Variants in IQCM observed in about 807,000 individuals in gnomAD.
The protein encoded by IQCM is IQ domain-containing protein M.
A neutral mutation model predicts 57.6 loss-of-function variants in IQCM; 45 were observed. That is an observed-to-expected ratio of 0.78 (90% CI 0.62 to 1.00). IQCM has a LOEUF of 1.00. Among genes scored for constraint, IQCM ranks in the 50% least tolerant of loss-of-function variants. The pLI is 0.00. For missense variants in IQCM, 468 were observed against 511.6 expected, an observed-to-expected ratio of 0.91 and a Z score of 0.82; for synonymous variants, 148 against 158.9, an observed-to-expected ratio of 0.93 and a Z score of 0.51.
intron 13 of IQCM, among the ~76,000 whole-genome samples, chr4:149,404,324 A>G (rs925514290): frequency 6.6e-6 from 1 of 152,052 alleles, no homozygotes; most frequent in East Asian, 1.9e-4. Context: ...GCATGGATTT[A>G]GTTAAGACCT....
chr4:149,744,310 C>T (rs1005722350), intron 2 of IQCM, among the ~76,000 whole-genome samples: 13 of 152,216 alleles, frequency 8.5e-5, no homozygotes, highest in African/African-American at 3.1e-4. Flanking sequence ...GCATCTCCCT[C>T]AGCAATTAAC....
intron 9 of IQCM, among the ~76,000 whole-genome samples, chr4:149,584,620 C>T (rs1752490478): frequency 6.6e-6 from 1 of 151,638 alleles, no homozygotes; most frequent in African/African-American, 2.4e-5. Context: ...TTTAATAATG[C>T]TTCTAAGGGA....
chr4:149,651,960 C>T (rs2150135591), intron 7 of IQCM, among the ~76,000 whole-genome samples: 1 of 152,236 alleles, frequency 6.6e-6, no homozygotes, highest in South Asian at 2.1e-4. Context: ...GGTATATACC[C>T]AAAGGATGAT....
At chr4:149,748,789 T>G (rs541112574) in intron 2 of IQCM, 35 of 152,286 alleles carry the variant, frequency 2.3e-4, no homozygotes, top group African/African-American at 7.5e-4. Context: ...CAATGTTAGA[T>G]AGACCCATAC....
At chr4:149,775,177 A>T (rs1203697134) in intron 2 of IQCM, among the ~76,000 whole-genome samples, 1 of 152,112 alleles carries the variant, frequency 6.6e-6, no homozygotes, top group African/African-American at 2.4e-5. Context: ...TTTCTAGGAG[A>T]TAGATTTCTG....
At chr4:149,580,809 A>C (rs1254616498) in intron 9 of IQCM, among the ~76,000 whole-genome samples, 1 of 151,838 alleles carries the variant, frequency 6.6e-6, no homozygotes, top group Non-Finnish European at 1.5e-5. Context: ...GATGAGAACT[A>C]TACACAGATG....
intron 10 of IQCM, among the ~76,000 whole-genome samples, chr4:149,559,423 T>G (rs2149926061): frequency 6.6e-6 from 1 of 152,254 alleles, no homozygotes; most frequent in Non-Finnish European, 1.5e-5. Flanking sequence ...TGTAAATAGC[T>G]CACCTAAGCT....
At chr4:149,411,524 A>G (rs1267892558) in intron 13 of IQCM, among the ~76,000 whole-genome samples, 2 of 152,178 alleles carry the variant, frequency 1.3e-5, no homozygotes, top group African/African-American at 4.8e-5. Flanking sequence ...ACTGAAATAA[A>G]TAAATCACTT....
intron 13 of IQCM, among the ~76,000 whole-genome samples, chr4:149,412,406 A>C (rs967794333): frequency 1.3e-5 from 2 of 152,164 alleles, no homozygotes; most frequent in African/African-American, 4.8e-5. Flanking sequence ...CCTAATTCTT[A>C]TATTTGTATT....
At chr4:149,538,227 C>T (rs1023804099) in intron 12 of IQCM, among the ~76,000 whole-genome samples, 2 of 151,536 alleles carry the variant, frequency 1.3e-5, no homozygotes, top group African/African-American at 4.8e-5. Context: ...ATACATATGA[C>T]AGTAACAACA....
At chr4:149,492,786 AC>A (rs1327394526) in intron 12 of IQCM, among the ~76,000 whole-genome samples, 1 of 152,142 alleles carries the variant, frequency 6.6e-6, no homozygotes, top group African/African-American at 2.4e-5. Flanking sequence ...AAACAAGCTT[AC>A]CCTTACAAGA....
At chr4:149,479,310 G>A (rs553341038) in intron 12 of IQCM, among the ~76,000 whole-genome samples, 5 of 152,128 alleles carry the variant, frequency 3.3e-5, no homozygotes, top group Admixed American at 3.3e-4. Context: ...CCATTCTAGG[G>A]GTAGAGATCA....
intron 13 of IQCM, among the ~76,000 whole-genome samples, chr4:149,392,608 C>G (rs1205289551): frequency 6.6e-6 from 1 of 151,816 alleles, no homozygotes; most frequent in East Asian, 1.9e-4. Context: ...TTTATACTAA[C>G]TCGATGGTTC....
chr4:149,369,994 C>T (rs1052345316), intron 13 of IQCM, among the ~76,000 whole-genome samples: 2 of 152,122 alleles, frequency 1.3e-5, no homozygotes, highest in African/African-American at 2.4e-5. Context: ...CTCCTGGGTT[C>T]GAAAGATCTT....
intron 7 of IQCM, among the ~76,000 whole-genome samples, chr4:149,644,647 A>G (rs537850920): frequency 6.6e-6 from 1 of 152,232 alleles, no homozygotes; most frequent in South Asian, 2.1e-4. Context: ...ACATTCCTGT[A>G]TGTTCATCCT....
intron 12 of IQCM, among the ~76,000 whole-genome samples, chr4:149,481,701 G>GTTTTTTTTTTTTTTGTTTTT (rs1740834894): frequency 1.9e-5 from 1 of 51,552 alleles, no homozygotes; most frequent in Non-Finnish European, 3.7e-5. Context: ...TTCCAGTTTT[G>GTTTTTTTTTTTTTTGTTTTT]TTTTTTTTTT....
chr4:149,400,478 G>C (rs1732542200), intron 13 of IQCM, among the ~76,000 whole-genome samples: 1 of 151,880 alleles, frequency 6.6e-6, no homozygotes, highest in South Asian at 2.1e-4. Flanking sequence ...CTGCCTTTCT[G>C]GGTTCCACTA....
intron 12 of IQCM, among the ~76,000 whole-genome samples, chr4:149,497,547 A>G (rs1200107358): frequency 6.6e-6 from 1 of 151,974 alleles, no homozygotes; most frequent in Non-Finnish European, 1.5e-5. Context: ...AAACCATCAG[A>G]TCTCATAAAA....
At chr4:149,385,154 A>T (rs2094530501) in intron 13 of IQCM, among the ~76,000 whole-genome samples, 1 of 152,048 alleles carries the variant, frequency 6.6e-6, no homozygotes, top group Non-Finnish European at 1.5e-5. Context: ...TATATTCCGG[A>T]GCTTAAATGT....
Sources: allele counts gnomAD v4.1 joint callset (sites outside exome capture counted in the v4.1 genomes callset), GRCh38; gene constraint gnomAD v4.1.1; transcripts MANE v1.5; gene names NCBI Gene and HGNC (gene_info 2026-07-23, HGNC 2026-07-21).